The following SBF2 variants were observed in gnomAD, a reference collection of about 807,000 sequenced individuals.
SBF2 encodes myotubularin-related protein 13.
A neutral mutation model predicts 225.2 loss-of-function variants in SBF2; 112 were observed. The observed-to-expected ratio is 0.50, with a 90% CI of 0.43 to 0.58. The LOEUF is 0.58. SBF2 is among the 20% of genes least tolerant of loss of function. The pLI is 0.00. For synonymous variants in SBF2, 763 were observed against 773.3 expected (o/e 0.99, Z 0.22); for missense variants, 1,996 against 2,206.2 (o/e 0.90, Z 1.91).
rs1387757468 is a variant in SBF2, at chr11:9,816,997, G to A, written c.3821C>T (p.Thr1274Ile). The A allele has an allele frequency of 6.8e-6, 11 of 1,614,072 alleles. No homozygotes were observed. Among genetic ancestry groups the A allele is most frequent in the African/African-American group, 1.3e-5 (1 of 74,926 alleles). The part of the protein sequence containing the change: ...PGVWASLRSS[T>I]RLISSPTSFI... Reference sequence around the variant, plus strand: ...GGATGTTGGAGAGCTGATCAAGCGAGTGCTAGAGCGAAGACTTGCCCACAC... The same window carrying A: ...GGATGTTGGAGAGCTGATCAAGCGAATGCTAGAGCGAAGACTTGCCCACAC... Residue 1274 changes from threonine to isoleucine, a missense_variant, in exon 29 of 40, where the codon ACT (threonine) becomes ATT (isoleucine). Transcript: ENST00000256190.
At chr11:10,236,230 T>C (rs1008471782) in intron 1 of SBF2, among the ~76,000 whole-genome samples, 15 of 152,136 alleles carry the variant, frequency 9.9e-5, no homozygotes, top group Admixed American at 9.8e-4. Flanking sequence ...AGCAGGAGGA[T>C]TGCTTGAGGC....
intron 1 of SBF2, among the ~76,000 whole-genome samples, chr11:10,275,448 G>A (rs988908313): frequency 6.6e-6 from 1 of 152,102 alleles, no homozygotes; most frequent in Non-Finnish European, 1.5e-5. Context: ...ACTTACACAA[G>A]ATAAAACTAA....
At chr11:10,218,252 C>T (rs563908499) in intron 1 of SBF2, among the ~76,000 whole-genome samples, 1 of 151,936 alleles carries the variant, frequency 6.6e-6, no homozygotes, top group African/African-American at 2.4e-5. Flanking sequence ...CAGGGGAACT[C>T]CCCTTTATAA....
At chr11:10,292,055 G>C in intron 1 of SBF2, among the ~76,000 whole-genome samples, 1 of 152,278 alleles carries the variant, frequency 6.6e-6, no homozygotes, top group South Asian at 2.1e-4. Context: ...AGAAGATAAA[G>C]GAAATGTTCC....
chr11:9,850,671 T>C (rs1338219951), intron 21 of SBF2, among the ~76,000 whole-genome samples: 1 of 152,204 alleles, frequency 6.6e-6, no homozygotes, highest in Non-Finnish European at 1.5e-5. Flanking sequence ...AGAAACCTGA[T>C]TTGGTAAGAG....
At chr11:10,212,599 C>T (rs1957976711) in intron 1 of SBF2, among the ~76,000 whole-genome samples, 1 of 152,180 alleles carries the variant, frequency 6.6e-6, no homozygotes, top group Non-Finnish European at 1.5e-5. Context: ...ATCAATCCTA[C>T]ATTCATTGGA....
chr11:10,106,977 T>C (rs548763007), intron 2 of SBF2, among the ~76,000 whole-genome samples: 11 of 152,240 alleles, frequency 7.2e-5, no homozygotes, highest in Non-Finnish European at 1.5e-4. Context: ...CACTACACTG[T>C]AGTCCAATGG....
At chr11:9,896,617 C>A (rs1207537050) in intron 16 of SBF2, among the ~76,000 whole-genome samples, 1 of 152,028 alleles carries the variant, frequency 6.6e-6, no homozygotes, top group Non-Finnish European at 1.5e-5. Flanking sequence ...CATGGTGAAA[C>A]CCTGTCTCTA....
Position 9,850,066 on chromosome 11 carries a change from G to A in SBF2, c.2763C>T (p.Thr921=), listed in dbSNP as rs1466221905. The A allele has an allele frequency of 1.2e-6, 2 of 1,613,968 alleles. No individual in the cohort carries two copies. The highest frequency in any genetic ancestry group is 1.7e-6 in the Non-Finnish European group (2 of 1,179,998). The part of the protein sequence containing the change: ...LLPAEGALFL[T]TYRILFRGTP... ...TTCCTCTGAAGAGAATTCTGTATGT[G>A]GTGAGGAACAAGGCTCCTTCTGCTG... The change falls in exon 22 of 40, where the codon ACC becomes ACT. Residue 921 remains threonine, a synonymous_variant. Transcript: ENST00000256190.
In SBF2 at chr11:9,998,256, T is replaced by C. The variant is rs774137157; in HGVS notation, c.975+10A>G. On this transcript the variant is annotated intron_variant, in intron 9 of 39. Transcript: ENST00000256190. ...AAAGAGAAAGTTACTATTACAAAAA[T>C]ATGTCATACCAAAGAAAGAGCTGAT... The C allele has an allele frequency of 4.8e-6, 7 of 1,458,298 alleles. No homozygotes were observed. Among genetic ancestry groups the C allele is most frequent in the African/African-American group, 2.8e-5 (2 of 71,748 alleles). 90.3% of individuals were successfully genotyped at this position (1,458,298 alleles called of 1,614,324 possible).
At chr11:10,112,021 T>C (rs1952888194) in intron 2 of SBF2, among the ~76,000 whole-genome samples, 1 of 152,232 alleles carries the variant, frequency 6.6e-6, no homozygotes, top group Non-Finnish European at 1.5e-5. Flanking sequence ...ATGACATAAA[T>C]TACTCTGAAT....
intron 6 of SBF2, among the ~76,000 whole-genome samples, chr11:10,022,679 T>C (rs1225195833): frequency 3.3e-5 from 5 of 152,098 alleles, no homozygotes; most frequent in Admixed American, 3.3e-4. Context: ...CCTGATTTTT[T>C]TCTATAGGCA....
chr11:10,187,279 CCTCTCT>C (rs148726419), intron 2 of SBF2, among the ~76,000 whole-genome samples: 2 of 150,026 alleles, frequency 1.3e-5, no homozygotes, highest in Non-Finnish European at 3.0e-5. Flanking sequence ...TCCTCTCTCT[CCTCTCT>C]CTCTCTCTCT....
At chr11:10,060,333 G>A (rs538979039) in intron 2 of SBF2, among the ~76,000 whole-genome samples, 5 of 152,228 alleles carry the variant, frequency 3.3e-5, no homozygotes, top group African/African-American at 9.6e-5. Flanking sequence ...AAGCCAGGAA[G>A]AAACTGAATC....
In SBF2 at chr11:10,156,135, C is replaced by T. The variant is rs541701311; in HGVS notation, c.141+37767G>A. On this transcript the variant is annotated intron_variant, in intron 2 of 39. Coordinates refer to ENST00000256190, the MANE Select transcript of SBF2 (RefSeq NM_030962.4). ...GGAAGTGCCTGCTCCTGTTCCCTGGCCTCTCCTCGCTCCCAGTGCCCACTC... is the reference window on the plus strand; with the variant it reads ...GGAAGTGCCTGCTCCTGTTCCCTGGTCTCTCCTCGCTCCCAGTGCCCACTC... 4.6e-5 allele frequency among the ~76,000 whole-genome samples: 7 copies of T among 152,354 alleles called. No homozygotes were observed. In the East Asian group the frequency reaches 1.3e-3, roughly 29 times the overall value.
intron 2 of SBF2, among the ~76,000 whole-genome samples, chr11:10,061,472 G>A (rs532025942): frequency 1.3e-5 from 2 of 152,232 alleles, no homozygotes; most frequent in African/African-American, 4.8e-5. Flanking sequence ...TCCTTCAGCT[G>A]ATAAACAACT....
At chr11:9,895,437 A>G (rs1027372833) in intron 17 of SBF2, among the ~76,000 whole-genome samples, 2 of 152,138 alleles carry the variant, frequency 1.3e-5, no homozygotes, top group African/African-American at 4.8e-5. Flanking sequence ...AAGCATAGAT[A>G]TAACTGTAGT....
At chr11:9,918,117 T>C (rs74887568) in intron 16 of SBF2, among the ~76,000 whole-genome samples, 10,981 of 152,130 alleles carry the variant, frequency 0.072, 523 homozygotes, top group East Asian at 0.098. Flanking sequence ...TATATGATCA[T>C]TGCCCTCTTG....
chr11:10,122,381 C>CAT (rs1473086157), intron 2 of SBF2, among the ~76,000 whole-genome samples: 2 of 152,158 alleles, frequency 1.3e-5, no homozygotes, highest in Non-Finnish European at 2.9e-5. Flanking sequence ...AGTCTTCGAA[C>CAT]ATATACTCCT....
Sources: gnomAD v4.1 joint callset for allele counts (sites outside exome capture counted in the v4.1 genomes callset) on GRCh38, gnomAD v4.1.1 for gene constraint, MANE v1.5 for transcripts, NCBI Gene and HGNC (gene_info 2026-07-23, HGNC 2026-07-21) for gene names.